EPHB1: variants seen among roughly 807,000 people sequenced by gnomAD.
EPHB1 encodes ephrin type-B receptor 1.
A neutral mutation model predicts 94.4 loss-of-function variants in EPHB1; 30 were observed. That is an observed-to-expected ratio of 0.32 (90% confidence interval 0.24 to 0.43). The LOEUF (loss-of-function observed/expected upper bound fraction) is 0.43. EPHB1 is among the 20% of genes least tolerant of loss of function. The probability of loss-of-function intolerance (pLI) is 1.00; values close to 1 mark genes in which losing one functional copy is unlikely to be tolerated. For synonymous variants in EPHB1, 522 were observed against 489.1 expected (o/e 1.07, Z -0.89); for missense variants, 1,055 against 1,308.3 (o/e 0.81, Z 2.99).
At chr3:134,962,231 G>A (rs1933546365) in intron 3 of EPHB1, among the ~76,000 whole-genome samples, 1 of 152,154 alleles carries the variant, frequency 6.6e-6, no homozygotes. Context: ...ACTTTGCAAA[G>A]TTCCATAAAC....
Position 135,167,010 on chromosome 3 carries a change from A to T in EPHB1, c.1759+4A>T. 3.1e-6 allele frequency: 5 copies of T among 1,614,030 alleles called. No individual in the cohort carries two copies. The highest frequency in any genetic ancestry group is 4.2e-6 in the Non-Finnish European group (5 of 1,179,952). ...CAGCATTACAGCACAGGCCGAGGTA[A>T]GTAGAAAGCAGAGACCCGGTGTCTG... On this transcript the variant is annotated splice_donor_region_variant and intron_variant, in intron 9 of 15. Coordinates refer to ENST00000398015, the MANE Select transcript of EPHB1 (RefSeq NM_004441.5).
intron 12 of EPHB1, among the ~76,000 whole-genome samples, chr3:135,233,265 A>C (rs986860492): frequency 6.6e-6 from 1 of 152,250 alleles, no homozygotes; most frequent in Non-Finnish European, 1.5e-5. Context: ...GGGTACAGGC[A>C]TTGGGTAAAT....
chr3:135,115,277 A>G (rs932392929), intron 4 of EPHB1, among the ~76,000 whole-genome samples: 3 of 152,120 alleles, frequency 2.0e-5, no homozygotes, highest in Non-Finnish European at 2.9e-5. Flanking sequence ...CTTGGTGTCA[A>G]ATTTATAGGT....
chr3:135,195,108 G>A (rs3772637), intron 11 of EPHB1, among the ~76,000 whole-genome samples: 34,381 of 152,028 alleles, frequency 0.23, 4,646 homozygotes, highest in East Asian at 0.41. Flanking sequence ...AAGGCAATGT[G>A]AGAAGGAAAA....
intron 3 of EPHB1, among the ~76,000 whole-genome samples, chr3:135,010,558 G>GTTTTT (rs58579496): frequency 2.7e-5 from 3 of 110,398 alleles, no homozygotes; most frequent in Non-Finnish European, 5.5e-5. Context: ...ATTTTTTTCT[G>GTTTTT]TTTTTTTTTT....
intron 3 of EPHB1, among the ~76,000 whole-genome samples, chr3:134,958,399 G>A (rs1277673794): frequency 6.7e-6 from 1 of 148,236 alleles, no homozygotes; most frequent in Non-Finnish European, 1.5e-5. Context: ...AAGAGAAGGT[G>A]AGGAACACAA....
intron 13 of EPHB1, among the ~76,000 whole-genome samples, chr3:135,243,942 C>T (rs995071373): frequency 6.6e-6 from 1 of 152,138 alleles, no homozygotes; most frequent in African/African-American, 2.4e-5. Context: ...CTGGTTTCTC[C>T]ACTGCTCTGA....
chr3:134,973,186 C>T (rs1934045497), intron 3 of EPHB1, among the ~76,000 whole-genome samples: 1 of 152,164 alleles, frequency 6.6e-6, no homozygotes, highest in East Asian at 1.9e-4. Flanking sequence ...GTGTGCAGCC[C>T]TTTCCAAGGG....
At chr3:135,193,199 C>G (rs1167862530) in intron 11 of EPHB1, among the ~76,000 whole-genome samples, 1 of 152,214 alleles carries the variant, frequency 6.6e-6, no homozygotes. Context: ...GCACAGCCAC[C>G]CTCCCAGACT....
intron 1 of EPHB1, among the ~76,000 whole-genome samples, chr3:134,807,510 T>C (rs976866387): frequency 2.0e-5 from 3 of 148,534 alleles, no homozygotes; most frequent in Non-Finnish European, 3.0e-5. Context: ...TGTGTGTGTG[T>C]GTGTGTGTGT....
At chr3:134,982,477 A>G (rs1310222773) in intron 3 of EPHB1, among the ~76,000 whole-genome samples, 2 of 152,178 alleles carry the variant, frequency 1.3e-5, no homozygotes, top group African/African-American at 2.4e-5. Context: ...AAATGCTTGT[A>G]TCCTGAGGAA....
At chr3:135,191,619 T>C (rs971697076) in intron 10 of EPHB1, among the ~76,000 whole-genome samples, 5 of 152,026 alleles carry the variant, frequency 3.3e-5, no homozygotes, top group African/African-American at 9.7e-5. Flanking sequence ...GAAAGCATGT[T>C]AAACAGGATT....
At chr3:135,036,452 G>A (rs537844044) in intron 3 of EPHB1, among the ~76,000 whole-genome samples, 6 of 152,314 alleles carry the variant, frequency 3.9e-5, no homozygotes, top group African/African-American at 1.4e-4. Flanking sequence ...TTCCCATTCT[G>A]TGTTGTCTTT....
intron 1 of EPHB1, among the ~76,000 whole-genome samples, chr3:134,852,175 C>A (rs1233951665): frequency 6.6e-6 from 1 of 152,142 alleles, no homozygotes. Flanking sequence ...ATGTCCCCAC[C>A]CCTCACCACT....
At chr3:134,837,370 T>C (rs1221603282) in intron 1 of EPHB1, among the ~76,000 whole-genome samples, 3 of 152,250 alleles carry the variant, frequency 2.0e-5, no homozygotes, top group Non-Finnish European at 4.4e-5. Context: ...AACATGGATG[T>C]CTTAAAATCC....
intron 3 of EPHB1, among the ~76,000 whole-genome samples, chr3:135,074,368 C>G (rs1490229631): frequency 6.6e-6 from 1 of 152,138 alleles, no homozygotes; most frequent in Non-Finnish European, 1.5e-5. Context: ...TTAGAATTGT[C>G]TCTAGGCTTT....
At chr3:134,850,677 G>A (rs886404084) in intron 1 of EPHB1, among the ~76,000 whole-genome samples, 5 of 152,230 alleles carry the variant, frequency 3.3e-5, no homozygotes, top group Admixed American at 3.3e-4. Context: ...GTTCATGCCA[G>A]CCCCAGAAGG....
chr3:134,965,100 G>A (rs762284746), intron 3 of EPHB1, among the ~76,000 whole-genome samples: 16 of 152,114 alleles, frequency 1.1e-4, no homozygotes, highest in Non-Finnish European at 1.5e-4. Context: ...AACTGTCTTT[G>A]TAGGATGCCT....
chr3:135,167,048 C>A (rs752168423), intron 9 of EPHB1, 42 bp downstream of exon 9: 2 of 1,608,488 alleles, frequency 1.2e-6, no homozygotes, highest in Admixed American at 1.7e-5. Flanking sequence ...CCCCACAGGC[C>A]ACTGAGTCAA....
Sources: gnomAD v4.1 joint callset for allele counts (sites outside exome capture counted in the v4.1 genomes callset) on GRCh38, gnomAD v4.1.1 for gene constraint, MANE v1.5 for transcripts, NCBI Gene and HGNC (gene_info 2026-07-23, HGNC 2026-07-21) for gene names.